Variants in KIF25 observed in about 807,000 individuals in gnomAD.
KIF25 encodes kinesin family member 25, also known as kinesin-like protein KIF25.
A neutral mutation model predicts 32.9 loss-of-function variants in KIF25; 19 were observed. That is an observed-to-expected ratio of 0.58 (90% CI 0.40 to 0.85). The LOEUF (loss-of-function observed/expected upper bound fraction) is 0.85, where lower values mean the gene tolerates loss of function less well. Ranked by LOEUF, KIF25 falls within the 40% of genes least tolerant of loss-of-function variation. The probability of loss-of-function intolerance (pLI) is 0.00; values close to 1 mark genes in which losing one functional copy is unlikely to be tolerated. For synonymous variants in KIF25, 225 were observed against 213.7 expected (o/e 1.05, Z -0.46); for missense variants, 485 against 507.0 (o/e 0.96, Z 0.42).
chr6:168,021,984 T>C (rs1253054618), intron 5 of KIF25, among the ~76,000 whole-genome samples: 3 of 152,268 alleles, frequency 2.0e-5, no homozygotes, highest in African/African-American at 7.2e-5. Context: ...CGGCAGTTGC[T>C]GAGTTTTTTG....
chr6:168,033,499 C>CAAA (rs56253243), intron 7 of KIF25, among the ~76,000 whole-genome samples: 12 of 113,794 alleles, frequency 1.1e-4, no homozygotes, highest in African/African-American at 3.2e-4. Context: ...GAATCCGTCT[C>CAAA]AAAAAAAAAA....
intron 7 of KIF25, among the ~76,000 whole-genome samples, chr6:168,032,044 A>G (rs954775872): frequency 1.3e-5 from 2 of 152,222 alleles, no homozygotes; most frequent in Non-Finnish European, 2.9e-5. Context: ...GATTATGGAG[A>G]CTAAAGTTCT....
intron 4 of KIF25, among the ~76,000 whole-genome samples, chr6:168,013,084 T>C (rs751461928): frequency 1.3e-5 from 2 of 151,940 alleles, no homozygotes; most frequent in Non-Finnish European, 2.9e-5. Flanking sequence ...CAGGTGCTTA[T>C]TGGGCAGGTG....
At chr6:168,028,396 G>A (rs1798894481) in intron 5 of KIF25, among the ~76,000 whole-genome samples, 1 of 151,952 alleles carries the variant, frequency 6.6e-6, no homozygotes, top group Admixed American at 6.6e-5. Context: ...GACCTGAGAT[G>A]CCCCTTTATC....
At chr6:168,028,028 C>T (rs1212565503) in intron 5 of KIF25, among the ~76,000 whole-genome samples, 1 of 152,006 alleles carries the variant, frequency 6.6e-6, no homozygotes, top group African/African-American at 2.4e-5. Flanking sequence ...TCCAGAAGAA[C>T]CCCCCTGTGG....
intron 4 of KIF25, among the ~76,000 whole-genome samples, chr6:168,016,566 A>T (rs1562383317): frequency 6.6e-6 from 1 of 152,192 alleles, no homozygotes; most frequent in Non-Finnish European, 1.5e-5. Flanking sequence ...CTCCCAGTCT[A>T]CCAAATCCAA....
At chr6:168,026,759 C>T (rs757375792) in intron 5 of KIF25, among the ~76,000 whole-genome samples, 13 of 152,042 alleles carry the variant, frequency 8.6e-5, no homozygotes, top group Non-Finnish European at 1.9e-4. Context: ...TGCCACTGAT[C>T]CAAAATGCAA....
At chr6:168,012,813 G>A (rs1798665928) in intron 4 of KIF25, among the ~76,000 whole-genome samples, 1 of 152,110 alleles carries the variant, frequency 6.6e-6, no homozygotes, top group Non-Finnish European at 1.5e-5. Context: ...GTTTGCCAGG[G>A]GCTGCCCACA....
rs73040803 is a variant in KIF25 at position 167,999,100 on chromosome 6, C to T, written c.-590C>T. 3,015 of 152,354 alleles carry T rather than the reference C, an allele frequency of 0.02. 35 individuals carry two copies. Among genetic ancestry groups the T allele is most frequent in the Non-Finnish European group, 0.031 (2,093 of 68,074 alleles). The allele number at this position is 152,354 out of a possible 1,614,324, so 9.4% of individuals were successfully genotyped here. On this transcript the variant is annotated 5_prime_UTR_variant, in exon 2 of 13. Coordinates refer to ENST00000643607, the MANE Select transcript of KIF25 (RefSeq NM_030615.4). The stretch of plus-strand genomic sequence containing the variant: ...TGTTCACTACCCTGCAGGGGTCTTT[C>T]GAAGTGGAGACAGGTGCTGCAGATC...
chr6:168,016,418 G>A (rs1453116303), intron 4 of KIF25, among the ~76,000 whole-genome samples: 2 of 152,234 alleles, frequency 1.3e-5, no homozygotes, highest in African/African-American at 4.8e-5. Flanking sequence ...TCTGTGCTGC[G>A]ATGGAGACCA....
chr6:168,003,561 C>G (rs1264965310), intron 3 of KIF25, 53 bp from the exon 4 acceptor site: 1 of 152,172 alleles, frequency 6.6e-6, no homozygotes, highest in Non-Finnish European at 1.5e-5. Flanking sequence ...GTTAGGAATT[C>G]AGAAAGCAAT....
chr6:168,044,059 G>T (rs117049397), intron 12 of KIF25, among the ~76,000 whole-genome samples: 5,193 of 152,290 alleles, frequency 0.034, 116 homozygotes, highest in Non-Finnish European at 0.051. Flanking sequence ...ACTCAACCTA[G>T]GGCTGACTTC....
At chr6:168,038,444 C>T (rs1406880206) in intron 8 of KIF25, 109 bp from the exon 9 acceptor site, 4 of 1,082,114 alleles carry the variant, frequency 3.7e-6, no homozygotes, top group Non-Finnish European at 5.5e-6. Flanking sequence ...TGCTCGGACC[C>T]CAGCAGTCTT....
At chr6:168,000,990 A>G (rs1466794955) in intron 2 of KIF25, among the ~76,000 whole-genome samples, 9 of 152,192 alleles carry the variant, frequency 5.9e-5, no homozygotes, top group Non-Finnish European at 1.5e-5. Flanking sequence ...AGAAATTCGG[A>G]TCTTTTGATA....
chr6:168,027,384 A>G (rs1798875896), intron 5 of KIF25, among the ~76,000 whole-genome samples: 1 of 149,866 alleles, frequency 6.7e-6, no homozygotes, highest in Non-Finnish European at 1.5e-5. Flanking sequence ...AACCAAGGAG[A>G]CAGAGGTTGC....
chr6:168,037,049 G>A (rs1307843278), intron 8 of KIF25, among the ~76,000 whole-genome samples: 3 of 152,160 alleles, frequency 2.0e-5, no homozygotes, highest in Admixed American at 6.5e-5. Flanking sequence ...GTGACAGAGC[G>A]AGACTTTGTC....
chr6:168,007,177 A>C (rs2516811), intron 4 of KIF25, among the ~76,000 whole-genome samples: 1 of 151,982 alleles, frequency 6.6e-6, no homozygotes, highest in African/African-American at 2.4e-5. Flanking sequence ...TTGGGAGGCC[A>C]AGGCAGATGG....
In KIF25 at chr6:167,999,193, C is replaced by T. The variant is rs978282624; in HGVS notation, c.-497C>T. 6.6e-6 allele frequency: 1 copy of T among 152,280 alleles called. No homozygotes were observed. The highest frequency in any genetic ancestry group is 2.1e-4 in the South Asian group (1 of 4,836). The allele number at this position is 152,280 out of a possible 1,614,324, so 9.4% of individuals were successfully genotyped here. A position where few individuals can be genotyped will look rare whatever the true frequency, so the allele number is the denominator to read the frequency against. ...TGGGGGATGCTCCGCAGTGCAGGCT[C>T]GCGCCCGGGTTGACACGCAGACCTC... On this transcript the variant is annotated 5_prime_UTR_variant, in exon 2 of 13. Transcript: ENST00000643607.
At chr6:168,043,756 T>C (rs1799167699) in intron 12 of KIF25, among the ~76,000 whole-genome samples, 1 of 152,228 alleles carries the variant, frequency 6.6e-6, no homozygotes, top group South Asian at 2.1e-4. Context: ...AGCAGGTCCC[T>C]CATGGAGCCC....
Sources: gnomAD v4.1 joint callset for allele counts (sites outside exome capture counted in the v4.1 genomes callset) on GRCh38, gnomAD v4.1.1 for gene constraint, MANE v1.5 for transcripts, NCBI Gene and HGNC (gene_info 2026-07-23, HGNC 2026-07-21) for gene names.